CHD5: variants seen among roughly 807,000 people sequenced by gnomAD.
CHD5 encodes the protein chromodomain helicase DNA binding protein 5.
A neutral mutation model predicts 230.3 loss-of-function variants in CHD5; 69 were observed. The observed-to-expected ratio is 0.30, with a 90% confidence interval of 0.25 to 0.37. The LOEUF (loss-of-function observed/expected upper bound fraction) is 0.37, where lower values mean the gene tolerates loss of function less well. Among genes scored for constraint, CHD5 ranks in the 10% least tolerant of loss-of-function variants. The probability of loss-of-function intolerance (pLI) is 1.00; values close to 1 mark genes in which losing one functional copy is unlikely to be tolerated. For missense variants in CHD5, 1,827 were observed against 2,622.8 expected, an observed-to-expected ratio of 0.70 and a Z score of 6.63; for synonymous variants, 1,064 against 1,065.9, an observed-to-expected ratio of 1.00 and a Z score of 0.03.
chr1:6,142,044 C>T lies in CHD5; in HGVS notation c.2436+84G>A, dbSNP rs182886101. 1.6e-6 allele frequency: 2 copies of T among 1,269,848 alleles called. No individual in the cohort carries two copies. The highest frequency in any genetic ancestry group is 1.5e-5 in the African/African-American group (1 of 68,538). 78.7% of individuals were successfully genotyped at this position (1,269,848 alleles called of 1,614,324 possible). A position where few individuals can be genotyped will look rare whatever the true frequency, so the allele number is the denominator to read the frequency against. Reference sequence around the variant, plus strand: ...TCGGTAGCCCTCCCAGGCTGAGGGACCCCAAAGGAGTGCACGGCACCCGTG... The same window carrying T: ...TCGGTAGCCCTCCCAGGCTGAGGGATCCCAAAGGAGTGCACGGCACCCGTG... On this transcript the variant is annotated intron_variant, in intron 15 of 41. Coordinates refer to ENST00000262450, the MANE Select transcript of CHD5 (RefSeq NM_015557.3). This position sits in a 1 kb window ranked among gnomAD's most constrained non-coding sequence, Gnocchi z 5.2.
chr1:6,108,062 G>GAGA (rs2100829199), intron 38 of CHD5, among the ~76,000 whole-genome samples: 1 of 142,168 alleles, frequency 7.0e-6, no homozygotes, highest in African/African-American at 2.6e-5. Flanking sequence ...GGGATGGAGG[G>GAGA]ATGGAGGGAT....
rs1161965355 is a variant in CHD5, at chr1:6,154,936, G to A, written c.507-38C>T. 2 of 1,581,584 alleles carry A rather than the reference G, an allele frequency of 1.3e-6. No homozygotes were observed. The highest frequency in any genetic ancestry group is 1.3e-5 in the African/African-American group (1 of 74,346). ...AGGCAGGAGGGTGAGGGCAAGGCCAGGTGAGATGAGAGGCCCACCCGACCC... is the reference window on the plus strand; with the variant it reads ...AGGCAGGAGGGTGAGGGCAAGGCCAAGTGAGATGAGAGGCCCACCCGACCC... On this transcript the variant is annotated intron_variant, in intron 4 of 41. Coordinates refer to ENST00000262450, the MANE Select transcript of CHD5 (RefSeq NM_015557.3). The surrounding 1 kb of genome is among the most constrained non-coding windows in gnomAD (Gnocchi z 7.0).
At chr1:6,147,599 T>G (rs570358240) in intron 9 of CHD5, among the ~76,000 whole-genome samples, 1 of 152,028 alleles carries the variant, frequency 6.6e-6, no homozygotes, top group African/African-American at 2.4e-5. Context: ...CTGGACAGGG[T>G]CGGGGGTGAC....
In CHD5 at chr1:6,101,941, A is replaced by G. The variant is rs1020546020; in HGVS notation, c.*3533T>C. 4.9e-6 allele frequency: 2 copies of G among 404,838 alleles called. No homozygotes were observed. The highest frequency in any genetic ancestry group is 9.9e-6 in the Non-Finnish European group (2 of 202,230). 25.1% of individuals were successfully genotyped at this position (404,838 alleles called of 1,614,324 possible). ...CGGCTCACAGGGGAGCCTGGCTTCC[A>G]AAGCTGGACCCGCCCCCGCCGGGGC... On this transcript the variant is annotated 3_prime_UTR_variant, in exon 42 of 42. Coordinates refer to ENST00000262450, the MANE Select transcript of CHD5 (RefSeq NM_015557.3).
In CHD5 at chr1:6,135,846, A is replaced by G. The variant is rs141991554; in HGVS notation, c.2697-443T>C. On this transcript the variant is annotated intron_variant, in intron 17 of 41. Coordinates refer to ENST00000262450, the MANE Select transcript of CHD5 (RefSeq NM_015557.3). ...AATATGATGAAACCCCAACTCTACT[A>G]AAGATATACAAAAATTAGCCGGGCG... is the stretch of plus-strand genomic sequence containing the variant. Among the ~76,000 whole-genome samples the G allele has an allele frequency of 4.4e-3, 671 of 152,130 alleles. 7 individuals carry two copies. Among genetic ancestry groups the G allele is most frequent in the African/African-American group, 0.016 (648 of 41,492 alleles).
At chr1:6,153,995 C>G (rs1028925715) in intron 5 of CHD5, among the ~76,000 whole-genome samples, 1 of 152,120 alleles carries the variant, frequency 6.6e-6, no homozygotes, top group Admixed American at 6.5e-5. Context: ...GCCTCTGCTG[C>G]CTGCATCCTC....
At position 6,129,353 on chromosome 1, in the gene CHD5, G is replaced by C. The variant is rs557139496; in HGVS notation, c.3388-284C>G. Among the ~76,000 whole-genome samples the C allele has an allele frequency of 1.3e-5, 2 of 152,084 alleles. No individual in the cohort carries two copies. The highest frequency in any genetic ancestry group is 2.4e-5 in the African/African-American group (1 of 41,428). On this transcript the variant is annotated intron_variant, in intron 22 of 41. Coordinates refer to ENST00000262450, the MANE Select transcript of CHD5 (RefSeq NM_015557.3). This position sits in a 1 kb window ranked among gnomAD's most constrained non-coding sequence, Gnocchi z 6.8. Reference sequence around the variant, plus strand: ...TGCAAGAGTGTGTGAGGGATGATACGGCCAGTGTGCTGGGTGTAACTGAAG... The same window carrying C: ...TGCAAGAGTGTGTGAGGGATGATACCGCCAGTGTGCTGGGTGTAACTGAAG...
At chr1:6,107,016 G>A (rs1403169101) in intron 38 of CHD5, among the ~76,000 whole-genome samples, 1 of 136,702 alleles carries the variant, frequency 7.3e-6, no homozygotes, top group Non-Finnish European at 1.6e-5. Flanking sequence ...GAGGGATGAT[G>A]GAGGGATAAT....
chr1:6,119,581 G>A (rs1389850137), intron 33 of CHD5, among the ~76,000 whole-genome samples: 1 of 152,070 alleles, frequency 6.6e-6, no homozygotes, highest in African/African-American at 2.4e-5. Context: ...TAATCATAAT[G>A]AGAGATTTTA....
rs1162429652 is a variant in CHD5, at chr1:6,125,269, C to T, written c.4261-36G>A. 1.3e-6 allele frequency: 2 copies of T among 1,546,588 alleles called. No homozygotes were observed. Among genetic ancestry groups the T allele is most frequent in the Non-Finnish European group, 1.7e-6 (2 of 1,151,060 alleles). ...GGAGCGTGGGAGTATGAGCCCAGGA[C>T]AGAGAGGGGTGGGGGTGGAGGATTC... On this transcript the variant is annotated intron_variant, in intron 28 of 41. Transcript: ENST00000262450. This position sits in a 1 kb window ranked among gnomAD's most constrained non-coding sequence, Gnocchi z 6.7.
intron 33 of CHD5, among the ~76,000 whole-genome samples, chr1:6,116,436 C>A (rs977177817): frequency 2.0e-5 from 3 of 152,130 alleles, no homozygotes; most frequent in Admixed American, 6.5e-5. Context: ...GTGAGTCACA[C>A]ACAAGATAAA....
rs577377316 is a variant in CHD5, at chr1:6,127,689, T to C, written c.3903+357A>G. 5.9e-4 allele frequency among the ~76,000 whole-genome samples: 90 copies of C among 152,286 alleles called. 1 individual carries two copies. Among genetic ancestry groups the C allele is most frequent in the South Asian group, 1.0e-3 (5 of 4,830 alleles). ...TGGGGAAGCTGGACTGGAGCCGGGA[T>C]GACGCCACGGAGCAGGCGGCTGATG... On this transcript the variant is annotated intron_variant, in intron 25 of 41. Coordinates refer to ENST00000262450, the MANE Select transcript of CHD5 (RefSeq NM_015557.3).
chr1:6,136,897 G>A (rs773337334), intron 15 of CHD5, 32 bp from the exon 16 acceptor site: 71 of 1,582,474 alleles, frequency 4.5e-5, no homozygotes, highest in Admixed American at 3.6e-4. Context: ...GGGATGAGAC[G>A]GCTGGGAGCA....
At chr1:6,118,899 T>C (rs774687449) in intron 33 of CHD5, among the ~76,000 whole-genome samples, 3 of 152,000 alleles carry the variant, frequency 2.0e-5, no homozygotes, top group Non-Finnish European at 4.4e-5. Flanking sequence ...GGTTTCACCA[T>C]GTCGGCCAGG....
At position 6,111,780 on chromosome 1, in the gene CHD5, G is replaced by A. The variant is rs147401166; in HGVS notation, c.5244C>T (p.Ile1748=). 349 of 1,613,152 alleles carry A rather than the reference G, an allele frequency of 2.2e-4. No homozygotes were observed. Among genetic ancestry groups the A allele is most frequent in the Admixed American group, 3.7e-4 (22 of 60,020 alleles). ...CCCGGCCTGGCCAAGGATACGTCAC[G>A]ATGCCCGCCAGCAGCCAGTAGTCAT... is the stretch of plus-strand genomic sequence containing the variant. The part of the protein sequence containing the change: ...RRHDYWLLAG[I]VTHGYARWQD... The change falls in exon 36 of 42, where the codon ATC becomes ATT. Residue 1748 remains isoleucine (I), a synonymous_variant. Coordinates refer to ENST00000262450, the MANE Select transcript of CHD5 (RefSeq NM_015557.3).
At position 6,128,800 on chromosome 1, in the gene CHD5, C is replaced by A; in HGVS notation, c.3619+38G>T. The A allele has an allele frequency of 6.4e-7, 1 of 1,566,842 alleles. No individual in the cohort carries two copies. ...GGATGGGTGTCTCAGCCGGGCCACCCCAGTCCCCTGCCACGCTCCCTCGGA... is the reference window on the plus strand; with the variant it reads ...GGATGGGTGTCTCAGCCGGGCCACCACAGTCCCCTGCCACGCTCCCTCGGA... On this transcript the variant is annotated intron_variant, in intron 23 of 41. Coordinates refer to ENST00000262450, the MANE Select transcript of CHD5 (RefSeq NM_015557.3). The surrounding 1 kb of genome is among the most constrained non-coding windows in gnomAD (Gnocchi z 7.8).
In CHD5 at chr1:6,146,595, C is replaced by T. The variant is rs1666915611; in HGVS notation, c.1590+70G>A. The T allele has an allele frequency of 1.3e-6, 2 of 1,540,066 alleles. No individual in the cohort carries two copies. The highest frequency in any genetic ancestry group is 4.5e-5 in the East Asian group (2 of 44,284). On this transcript the variant is annotated intron_variant, in intron 10 of 41. Transcript: ENST00000262450. The surrounding 1 kb of genome is among the most constrained non-coding windows in gnomAD (Gnocchi z 5.1). ...AGTCAGAGGCGCTTCAGCCCCTTCC[C>T]GCCAGCCCAGGAGGGTCCAGGGCTC...
Position 6,111,814 on chromosome 1 carries a change from T to A in CHD5, c.5210A>T (p.His1737Leu), listed in dbSNP as rs759868081. 1.2e-6 allele frequency: 2 copies of A among 1,613,532 alleles called. No homozygotes were observed. Among genetic ancestry groups the A allele is most frequent in the South Asian group, 2.2e-5 (2 of 91,084 alleles). Reference sequence around the variant, plus strand: ...CAGCAGCCAGTAGTCATGGCGCCGGTGCCAGATGTCGTAGATTTTCCCAGA... The same window carrying A: ...CAGCAGCCAGTAGTCATGGCGCCGGAGCCAGATGTCGTAGATTTTCCCAGA... ...VSSGKIYDIW[H>L]RRHDYWLLAG... Residue 1737 changes from histidine (H) to leucine (L), a missense_variant, in exon 36 of 42, where the codon CAC (histidine) becomes CTC (leucine). By Grantham distance (99) the His-to-Leu change is moderately conservative (BLOSUM62 -3). This residue lies in a region of CHD5 where 272 missense variants were observed against 263.2 expected (regional missense o/e 1.03). Coordinates refer to ENST00000262450, the MANE Select transcript of CHD5 (RefSeq NM_015557.3).
At chr1:6,140,374 T>C (rs574137321) in intron 15 of CHD5, among the ~76,000 whole-genome samples, 33 of 148,442 alleles carry the variant, frequency 2.2e-4, no homozygotes, top group Non-Finnish European at 3.3e-4. Flanking sequence ...CACTCCAGCC[T>C]GGCGACAGAG....
Sources: gnomAD v4.1 joint callset for allele counts (sites outside exome capture counted in the v4.1 genomes callset) on GRCh38, gnomAD v4.1.1 for gene constraint, gnomAD v4.1.1 regional missense constraint, Gnocchi (gnomAD v3.1) non-coding constraint, MANE v1.5 for transcripts, NCBI Gene and HGNC (gene_info 2026-07-23, HGNC 2026-07-21) for gene names.